The following MZB1 variants were observed in gnomAD, a reference collection of about 807,000 sequenced individuals.
MZB1 encodes the protein marginal zone B and B1 cell specific protein, also known as marginal zone B- and B1-cell-specific protein.
MZB1 carries 10 observed loss-of-function variants against 17.2 expected under a neutral mutation model. The ratio of observed to expected loss-of-function variants is 0.58; its 90% CI spans 0.36 to 0.98. The LOEUF is 0.98. Ranked by LOEUF, MZB1 falls within the 50% of genes least tolerant of loss-of-function variation. MZB1 has a pLI of 0.01. For synonymous variants in MZB1, 99 were observed against 98.7 expected (o/e 1.00, Z -0.02); for missense variants, 246 against 237.5 (o/e 1.04, Z -0.23).
intron 1 of MZB1, 59 bp from the exon 2 acceptor site, chr5:139,388,644 G>C: frequency 6.3e-7 from 1 of 1,583,272 alleles, no homozygotes; most frequent in South Asian, 1.2e-5. Flanking sequence ...TTAGGGGGAG[G>C]TGGGGAGGAT....
intron 2 of MZB1, 45 bp from the exon 3 acceptor site, chr5:139,388,176 C>T: frequency 6.6e-7 from 1 of 1,519,124 alleles, no homozygotes; most frequent in South Asian, 1.2e-5. Flanking sequence ...GGCAGGAGCC[C>T]AGCCAGGGAG....
At position 139,388,557 on chromosome 5, in the gene MZB1, G is replaced by A; in HGVS notation, c.206C>T (p.Thr69Ile). The A allele has an allele frequency of 6.2e-7, 1 of 1,601,844 alleles. No individual in the cohort carries two copies. The highest frequency in any genetic ancestry group is 8.5e-7 in the Non-Finnish European group (1 of 1,174,182). Residue 69 changes from threonine (T) to isoleucine (I), a missense_variant, in exon 2 of 4, where the codon ACC becomes ATC. By Grantham distance (89) the Thr-to-Ile change is moderately conservative. Coordinates refer to ENST00000302125, the MANE Select transcript of MZB1 (RefSeq NM_016459.4). The stretch of plus-strand genomic sequence containing the variant: ...CCCAGAGTTTGAGGTATGAAGTTTG[G>A]TCTCTGCCTTTGCCAGATTTTGCCA... ...QMWQNLAKAETKLHTSNSGGR... is the reference protein window; with the variant it reads ...QMWQNLAKAEIKLHTSNSGGR...
At position 139,387,918 on chromosome 5, in the gene MZB1, G is replaced by T; in HGVS notation, c.417C>A (p.Leu139=). The T allele has an allele frequency of 6.4e-7, 1 of 1,573,470 alleles. No homozygotes were observed. Residue 139 remains leucine (L), a synonymous_variant, in exon 4 of 4, where the codon CTC becomes CTA. Transcript: ENST00000302125. ...MVTGGPWPTR[L]SRTCLHYLGE... is the part of the protein sequence containing the mutation. ...CCAAGTAGTGCAAACATGTCCTGGA[G>T]AGCCTAGGGGAGCCCAGCAGGAGCC...
Position 139,388,146 on chromosome 5 carries a change from G to A in MZB1, c.303-15C>T, listed in dbSNP as rs1488663141. The A allele has an allele frequency of 1.3e-6, 2 of 1,548,380 alleles. No individual in the cohort carries two copies. Among genetic ancestry groups the A allele is most frequent in the Non-Finnish European group, 1.7e-6 (2 of 1,145,874 alleles). ...GAACTCCGTAGCTGGTGGCAGTGGA[G>A]AGGAGAGGAGTACAGTTTTGGCAGG... On this transcript the variant is annotated splice_polypyrimidine_tract_variant and intron_variant, in intron 2 of 3. Transcript: ENST00000302125.
At chr5:139,389,359 T>G in intron 1 of MZB1, 2 of 569,714 alleles carry the variant, frequency 3.5e-6, no homozygotes, top group South Asian at 3.1e-5. Flanking sequence ...ACTTGCACCA[T>G]GTACACATAG....
chr5:139,388,248 C>T, intron 2 of MZB1, 117 bp from the exon 3 acceptor site: 2 of 1,161,364 alleles, frequency 1.7e-6, no homozygotes, highest in Non-Finnish European at 2.4e-6. Context: ...GAGGGAAAGC[C>T]CCTGGCCCAA....
Position 139,387,467 on chromosome 5 carries a change from T to G in MZB1, c.*298A>C. 4.9e-6 allele frequency: 1 copy of G among 204,094 alleles called. No individual in the cohort carries two copies. The highest frequency in any genetic ancestry group is 9.7e-6 in the Non-Finnish European group (1 of 103,318). The allele number at this position is 204,094 out of a possible 1,614,324, so 12.6% of individuals were successfully genotyped here. A position where few individuals can be genotyped will look rare whatever the true frequency, so the allele number is the denominator to read the frequency against. On this transcript the variant is annotated 3_prime_UTR_variant, in exon 4 of 4. Coordinates refer to ENST00000302125, the MANE Select transcript of MZB1 (RefSeq NM_016459.4). The stretch of plus-strand genomic sequence containing the variant: ...GTGAGACTGTCTCAAAAAAAAAAAA[T>G]TGATTTTGAGAGTTTTTTTTTTTTT...
chr5:139,387,781 G>C lies in MZB1; in HGVS notation c.554C>G (p.Thr185Arg), dbSNP rs753307429. ...AGTCCAGGACTAGAGCTCTTCTCTT[G>C]TGGCTGACACCTTCTCTGAGCAGGC... The part of the protein sequence containing the change: ...QGACSEKVSA[T>R]REEL Residue 185 changes from threonine (T) to arginine (R), a missense_variant, in exon 4 of 4, where the codon ACA (threonine) becomes AGA (arginine). Transcript: ENST00000302125. The C allele has an allele frequency of 6.5e-7, 1 of 1,548,396 alleles. No individual in the cohort carries two copies. Among genetic ancestry groups the C allele is most frequent in the South Asian group, 1.3e-5 (1 of 78,616 alleles).
rs1392286928 is a variant in MZB1 at position 139,388,472 on chromosome 5, C to T, written c.291G>A (p.Arg97=). The change falls in exon 2 of 4, where the codon CGG becomes CGA. Residue 97 remains arginine, a synonymous_variant. Transcript: ENST00000302125. ...YTDVLDRSCS[R]NWQDYGVREV... is the part of the protein sequence containing the mutation. Reference sequence around the variant, plus strand: ...GATTGGCAACTCACTCCTGCCAGTTCCGGGAGCAGCTCCGGTCCAGGACAT... The same window carrying T: ...GATTGGCAACTCACTCCTGCCAGTTTCGGGAGCAGCTCCGGTCCAGGACAT... 2 of 1,604,246 alleles carry T rather than the reference C, an allele frequency of 1.2e-6. No homozygotes were observed. The highest frequency in any genetic ancestry group is 1.7e-5 in the Admixed American group (1 of 58,660).
At chr5:139,389,292 GGT>G in intron 1 of MZB1, 4 of 428,990 alleles carry the variant, frequency 9.3e-6, no homozygotes, top group Middle Eastern at 4.5e-4. Context: ...ATGCTCAGCA[GGT>G]GTGTGTGTGA....
intron 1 of MZB1, chr5:139,389,190 C>A: frequency 3.2e-6 from 1 of 310,084 alleles, no homozygotes. Flanking sequence ...CCATTTTAAA[C>A]CACAAGAGCA....
intron 2 of MZB1, 125 bp downstream of exon 2, chr5:139,388,336 C>T (rs1758548855): frequency 8.3e-7 from 1 of 1,204,846 alleles, no homozygotes; most frequent in South Asian, 1.5e-5. Context: ...TTCATCCCAG[C>T]CAGCCCCTCC....
chr5:139,389,640 G>A, intron 1 of MZB1, 40 bp downstream of exon 1: 1 of 1,560,684 alleles, frequency 6.4e-7, no homozygotes, highest in African/African-American at 1.3e-5. Flanking sequence ...GCTTGAGAAG[G>A]GGTGTGAGCA....
chr5:139,388,691 G>A (rs771430474), intron 1 of MZB1, 106 bp from the exon 2 acceptor site: 1 of 1,497,524 alleles, frequency 6.7e-7, no homozygotes, highest in African/African-American at 1.4e-5. Flanking sequence ...AGTGGCAAGA[G>A]AGCCGTTTGA....
Position 139,387,902 on chromosome 5 carries a change from G to T in MZB1, c.433C>A (p.His145Asn). The change falls in exon 4 of 4, where the codon CAC (histidine) becomes AAC (asparagine). Residue 145 changes from histidine to asparagine, a missense_variant. His to Asn is a moderately conservative substitution (Grantham distance 68, BLOSUM62 1). Coordinates refer to ENST00000302125, the MANE Select transcript of MZB1 (RefSeq NM_016459.4). Reference protein sequence around the residue: ...WPTRLSRTCLHYLGEFGEDQI... With the variant: ...WPTRLSRTCLNYLGEFGEDQI... Reference sequence around the variant, plus strand: ...TCTTCTCCAAACTCCCCCAAGTAGTGCAAACATGTCCTGGAGAGCCTAGGG... The same window carrying T: ...TCTTCTCCAAACTCCCCCAAGTAGTTCAAACATGTCCTGGAGAGCCTAGGG... 6.3e-7 allele frequency: 1 copy of T among 1,588,304 alleles called. No homozygotes were observed. Among genetic ancestry groups the T allele is most frequent in the Non-Finnish European group, 8.5e-7 (1 of 1,170,092 alleles).
At chr5:139,388,333 C>A in intron 2 of MZB1, 128 bp downstream of exon 2, 1 of 1,197,024 alleles carries the variant, frequency 8.4e-7, no homozygotes, top group Non-Finnish European at 1.2e-6. Flanking sequence ...GACTTCATCC[C>A]AGCCAGCCCC....
Position 139,389,913 on chromosome 5 carries a change from T to A in MZB1, c.-57A>T. 1.3e-6 allele frequency: 2 copies of A among 1,510,728 alleles called. No homozygotes were observed. The highest frequency in any genetic ancestry group is 1.8e-6 in the Non-Finnish European group (2 of 1,132,426). 93.6% of individuals were successfully genotyped at this position (1,510,728 alleles called of 1,614,324 possible). ...TGTGGTTGAGGTGCAGATGTGTGTG[T>A]GCTTGTGTGGTGTGGGGACCGCCAC... On this transcript the variant is annotated 5_prime_UTR_variant, in exon 1 of 4. Transcript: ENST00000302125.
At position 139,389,729 on chromosome 5, in the gene MZB1, T is replaced by A; in HGVS notation, c.128A>T (p.His43Leu). Residue 43 changes from histidine (H) to leucine (L), a missense_variant, in exon 1 of 4, where the codon CAC (histidine) becomes CTC (leucine). Transcript: ENST00000302125. ...QLDDEEMYSA[H>L]MPAHLRCDAC... ...ATCACAGCGCAGGTGAGCGGGCATG[T>A]GGGCTGAGTACATCTCCTCATCATC... 1 of 1,576,846 alleles carries A rather than the reference T, an allele frequency of 6.3e-7. No individual in the cohort carries two copies. The highest frequency in any genetic ancestry group is 8.6e-7 in the Non-Finnish European group (1 of 1,161,724).
chr5:139,388,012 G>T lies in MZB1; in HGVS notation c.413+9C>A, dbSNP rs757956779. The T allele has an allele frequency of 6.0e-5, 94 of 1,564,458 alleles. 1 individual carries two copies. The Admixed American group carries it at 1.7e-3, about 29-fold the overall frequency. On this transcript the variant is annotated intron_variant, in intron 3 of 3. Coordinates refer to ENST00000302125, the MANE Select transcript of MZB1 (RefSeq NM_016459.4). ...GAGCTTCATCCTATCCCCAAGCCCC[G>T]GGCATCACCTGGTAGGCCAGGGGCC...
Sources: gnomAD v4.1 joint callset for allele counts on GRCh38, gnomAD v4.1.1 for gene constraint, MANE v1.5 for transcripts, NCBI Gene and HGNC (gene_info 2026-07-23, HGNC 2026-07-21) for gene names.